MAF: variants seen among roughly 807,000 people sequenced by gnomAD.
MAF encodes MAF bZIP transcription factor.
A neutral mutation model predicts 22.0 loss-of-function variants in MAF; 10 were observed. The ratio of observed to expected loss-of-function variants is 0.45; its 90% CI spans 0.28 to 0.77. MAF has a LOEUF of 0.77. Among genes scored for constraint, MAF ranks in the 30% least tolerant of loss-of-function variants. MAF has a pLI of 0.12. For missense variants in MAF, 544 were observed against 548.4 expected (o/e 0.99, Z 0.08); for synonymous variants, 337 against 255.8 (o/e 1.32, Z -3.03).
At chr16:79,323,533 G>A in the MAF span, among the ~76,000 whole-genome samples, 1 of 152,192 alleles carries the variant, frequency 6.6e-6, no homozygotes, top group Admixed American at 6.5e-5. Context: ...GACAATGTGA[G>A]TGAAGATGAA....
At chr16:79,359,164 C>G in the MAF span, among the ~76,000 whole-genome samples, 2 of 152,196 alleles carry the variant, frequency 1.3e-5, no homozygotes, top group Admixed American at 1.3e-4. Context: ...ATTCCATATG[C>G]ATGCCCCACA....
the MAF span, among the ~76,000 whole-genome samples, chr16:79,479,768 A>G: frequency 2.0e-5 from 3 of 152,232 alleles, no homozygotes; most frequent in Admixed American, 6.5e-5. Context: ...CTGGTACTCT[A>G]TATCCATGCT....
the MAF span, among the ~76,000 whole-genome samples, chr16:79,236,970 A>G: frequency 6.6e-6 from 1 of 151,182 alleles, no homozygotes; most frequent in Admixed American, 6.6e-5. Context: ...CTCAAATCCA[A>G]AATTTTAAAT....
the MAF span, among the ~76,000 whole-genome samples, chr16:79,208,760 A>C: frequency 6.6e-6 from 1 of 152,222 alleles, no homozygotes; most frequent in South Asian, 2.1e-4. Flanking sequence ...TGGTGAGCCA[A>C]AAATGAGAAC....
At chr16:79,382,357 T>C in the MAF span, among the ~76,000 whole-genome samples, 2 of 152,250 alleles carry the variant, frequency 1.3e-5, no homozygotes, top group Non-Finnish European at 2.9e-5. Context: ...ATAGGTTTTA[T>C]ATCAGATCTG....
Position 79,594,203 on chromosome 16 carries a change from G to C in MAF, c.*257C>G. On this transcript the variant is annotated 3_prime_UTR_variant, in exon 2 of 2. Coordinates refer to ENST00000326043, the MANE Select transcript of MAF (RefSeq NM_005360.5). ...TTCAGTGAATTTTTAAAACTAGTAT[G>C]GCAGGTTGAAAGCAATGCACCTGTT... 2.2e-6 allele frequency: 1 copy of C among 464,694 alleles called. No individual in the cohort carries two copies. Among genetic ancestry groups the C allele is most frequent in the Non-Finnish European group, 3.9e-6 (1 of 255,770 alleles). 28.8% of individuals were successfully genotyped at this position (464,694 alleles called of 1,614,324 possible).
the MAF span, among the ~76,000 whole-genome samples, chr16:79,421,581 G>T: frequency 6.6e-6 from 1 of 151,850 alleles, no homozygotes; most frequent in Non-Finnish European, 1.5e-5. Context: ...GAAGATGATA[G>T]ACATTCTAAA....
chr16:79,458,573 G>A, the MAF span, among the ~76,000 whole-genome samples: 2 of 152,206 alleles, frequency 1.3e-5, no homozygotes, highest in Non-Finnish European at 2.9e-5. Flanking sequence ...ACCAGCTCAT[G>A]GAGGTGGAAG....
At chr16:79,229,045 A>G in the MAF span, among the ~76,000 whole-genome samples, 1 of 151,802 alleles carries the variant, frequency 6.6e-6, no homozygotes, top group African/African-American at 2.4e-5. Flanking sequence ...GAAAAAGCCC[A>G]ATCAGCCACA....
the MAF span, among the ~76,000 whole-genome samples, chr16:79,259,166 C>T: frequency 3.3e-5 from 5 of 152,172 alleles, no homozygotes; most frequent in South Asian, 6.2e-4. Context: ...CTCACCAGGC[C>T]GGCTGGCTCG....
At chr16:79,289,867 T>TTTTTTTTTTTTTTTTTTTTTTTTTTTC in the MAF span, among the ~76,000 whole-genome samples, 2 of 118,510 alleles carry the variant, frequency 1.7e-5, no homozygotes, top group African/African-American at 3.2e-5. Flanking sequence ...TTTTTTTTTT[T>TTTTTTTTTTTTTTTTTTTTTTTTTTTC]TGTGAGACGG....
At chr16:79,295,525 G>A in the MAF span, among the ~76,000 whole-genome samples, 1 of 152,214 alleles carries the variant, frequency 6.6e-6, no homozygotes, top group African/African-American at 2.4e-5. Context: ...GCACATGTGT[G>A]GGCTACTGTC....
chr16:79,477,501 A>G, the MAF span, among the ~76,000 whole-genome samples: 1 of 152,180 alleles, frequency 6.6e-6, no homozygotes, highest in Non-Finnish European at 1.5e-5. Flanking sequence ...GCCTGTGTTC[A>G]CAGTAGGAGA....
the MAF span, among the ~76,000 whole-genome samples, chr16:79,544,943 T>C: frequency 6.6e-6 from 1 of 152,166 alleles, no homozygotes; most frequent in Non-Finnish European, 1.5e-5. Flanking sequence ...CTTTCATGTT[T>C]GGCCATTGCT....
the MAF span, among the ~76,000 whole-genome samples, chr16:79,433,799 A>G: frequency 6.6e-6 from 1 of 152,076 alleles, no homozygotes. Flanking sequence ...TTAAAAATTG[A>G]GGAATTCTAC....
the MAF span, among the ~76,000 whole-genome samples, chr16:79,296,352 C>T: frequency 6.6e-6 from 1 of 152,094 alleles, no homozygotes; most frequent in Non-Finnish European, 1.5e-5. Flanking sequence ...GGGAACAACA[C>T]ACACTGGGGC....
chr16:79,533,537 A>AG, the MAF span, among the ~76,000 whole-genome samples: 1 of 152,162 alleles, frequency 6.6e-6, no homozygotes, highest in African/African-American at 2.4e-5. Flanking sequence ...AGGAAGACAG[A>AG]GGAAGACGGC....
the MAF span, among the ~76,000 whole-genome samples, chr16:79,498,279 G>T: frequency 6.6e-6 from 1 of 152,206 alleles, no homozygotes. Flanking sequence ...TCTCGGCTCT[G>T]GTCGTTGTAG....
At chr16:79,343,836 A>G in the MAF span, among the ~76,000 whole-genome samples, 1 of 152,156 alleles carries the variant, frequency 6.6e-6, no homozygotes, top group Non-Finnish European at 1.5e-5. Context: ...CCTACCCCCC[A>G]CGGTCCCCTG....
Sources: gnomAD v4.1 joint callset for allele counts (sites outside exome capture counted in the v4.1 genomes callset) on GRCh38, gnomAD v4.1.1 for gene constraint, MANE v1.5 for transcripts, NCBI Gene and HGNC (gene_info 2026-07-23, HGNC 2026-07-21) for gene names.